Variants in FXYD6 observed in about 807,000 individuals in gnomAD.
FXYD6 encodes the protein FXYD domain-containing ion transport regulator 6.
Under a neutral mutation model 16.7 loss-of-function variants are expected in FXYD6, and 7 were observed. The ratio of observed to expected loss-of-function variants is 0.42; its 90% CI spans 0.24 to 0.79. The LOEUF is 0.79. FXYD6 is among the 30% of genes least tolerant of loss of function. The pLI is 0.28. For missense variants in FXYD6, 111 were observed against 116.2 expected (o/e 0.95, Z 0.21); for synonymous variants, 49 against 43.0 (o/e 1.14, Z -0.54).
chr11:117,842,433 G>C (rs1404141290), intron 2 of FXYD6, among the ~76,000 whole-genome samples: 1 of 152,192 alleles, frequency 6.6e-6, no homozygotes, highest in Non-Finnish European at 1.5e-5. Flanking sequence ...CTGAATCCCA[G>C]GGTTCAGGCC....
chr11:117,846,082 T>C (rs2056459404), intron 1 of FXYD6, among the ~76,000 whole-genome samples: 1 of 152,218 alleles, frequency 6.6e-6, no homozygotes, highest in South Asian at 2.1e-4. Flanking sequence ...CTGTCCCCAT[T>C]ACTCTACAAC....
At chr11:117,858,763 TC>T (rs879542462) in intron 1 of FXYD6, among the ~76,000 whole-genome samples, 3,574 of 138,082 alleles carry the variant, frequency 0.026, 331 homozygotes, top group East Asian at 0.039. Flanking sequence ...CTTCCTTCCT[TC>T]CTTCCTTCCT....
chr11:117,854,521 T>C (rs2056680830), intron 1 of FXYD6, among the ~76,000 whole-genome samples: 1 of 152,188 alleles, frequency 6.6e-6, no homozygotes, highest in Admixed American at 6.5e-5. Flanking sequence ...CTATTCTGGG[T>C]TCTGCAAAGG....
chr11:117,862,515 G>A (rs1240477030), intron 1 of FXYD6, among the ~76,000 whole-genome samples: 1 of 152,212 alleles, frequency 6.6e-6, no homozygotes, highest in Non-Finnish European at 1.5e-5. Flanking sequence ...CCGCTGCCCA[G>A]AAGACACAGT....
At chr11:117,851,436 A>G (rs2056609120) in intron 1 of FXYD6, among the ~76,000 whole-genome samples, 1 of 152,232 alleles carries the variant, frequency 6.6e-6, no homozygotes, top group Non-Finnish European at 1.5e-5. Context: ...GAACCACATA[A>G]GTGAGCTTGG....
chr11:117,869,991 G>A (rs2057100657), intron 1 of FXYD6, among the ~76,000 whole-genome samples: 1 of 152,192 alleles, frequency 6.6e-6, no homozygotes, highest in Admixed American at 6.5e-5. Flanking sequence ...CCCATTCTCT[G>A]GGCCCCAGCC....
chr11:117,863,513 A>G (rs757969691), intron 1 of FXYD6, among the ~76,000 whole-genome samples: 3 of 152,084 alleles, frequency 2.0e-5, no homozygotes, highest in Non-Finnish European at 4.4e-5. Flanking sequence ...ATCACACTCA[A>G]TGGTCAAAGA....
intron 6 of FXYD6, 76 bp from the exon 7 acceptor site, chr11:117,839,906 C>G: frequency 6.3e-7 from 1 of 1,579,364 alleles, no homozygotes; most frequent in Non-Finnish European, 8.7e-7. Flanking sequence ...GCAGCCGTGT[C>G]TCTGCCTGAC....
In FXYD6 at chr11:117,838,249, G is replaced by C. The variant is rs1000227894; in HGVS notation, c.*50C>G. On this transcript the variant is annotated 3_prime_UTR_variant, in exon 8 of 8. Transcript: ENST00000526014. ...TAAGCATCGACATTTGCATCCAAAG[G>C]TTCAAGCAGCCGCCTCAGGTTCCAG... 2.8e-6 allele frequency: 2 copies of C among 702,576 alleles called. No homozygotes were observed. Among genetic ancestry groups the C allele is most frequent in the Non-Finnish European group, 5.2e-6 (2 of 384,992 alleles). 43.5% of individuals were successfully genotyped at this position (702,576 alleles called of 1,614,324 possible). A position where few individuals can be genotyped will look rare whatever the true frequency, so the allele number is the denominator to read the frequency against.
chr11:117,841,635 G>T (rs2056346318), intron 4 of FXYD6, 156 bp downstream of exon 4: 1 of 723,608 alleles, frequency 1.4e-6, no homozygotes, highest in Admixed American at 2.5e-5. Flanking sequence ...CACTTACTAT[G>T]TGCCCAGCAC....
chr11:117,842,435 G>A (rs1031436699), intron 2 of FXYD6, among the ~76,000 whole-genome samples: 5 of 152,188 alleles, frequency 3.3e-5, no homozygotes, highest in African/African-American at 1.2e-4. Context: ...GAATCCCAGG[G>A]TTCAGGCCAC....
intron 7 of FXYD6, chr11:117,838,893 T>A (rs750519690): frequency 7.1e-5 from 11 of 154,610 alleles, no homozygotes; most frequent in Non-Finnish European, 1.4e-4. Context: ...CACTTCATCA[T>A]CCAGAAACCT....
intron 1 of FXYD6, among the ~76,000 whole-genome samples, chr11:117,860,724 G>C (rs1815774): frequency 0.48 from 72,964 of 152,132 alleles, 18,265 homozygotes; most frequent in East Asian, 0.73. Flanking sequence ...TGAGATAATA[G>C]GTGTGAAGGT....
At chr11:117,841,324 G>A in intron 4 of FXYD6, 140 bp from the exon 5 acceptor site, 1 of 1,075,130 alleles carries the variant, frequency 9.3e-7, no homozygotes, top group Non-Finnish European at 1.3e-6. Flanking sequence ...GCACACAGTG[G>A]CCCTCGGATG....
At chr11:117,866,645 G>C (rs537720224) in intron 1 of FXYD6, among the ~76,000 whole-genome samples, 1 of 152,294 alleles carries the variant, frequency 6.6e-6, no homozygotes, top group African/African-American at 2.4e-5. Context: ...TCCCAGCTGA[G>C]CTTTGGCATC....
intron 1 of FXYD6, among the ~76,000 whole-genome samples, chr11:117,867,174 C>A (rs529422006): frequency 2.0e-5 from 3 of 152,230 alleles, no homozygotes; most frequent in African/African-American, 7.2e-5. Context: ...ACAATGGCAC[C>A]CTTATCCTTC....
intron 1 of FXYD6, among the ~76,000 whole-genome samples, chr11:117,858,609 G>A (rs1432772409): frequency 6.6e-6 from 1 of 151,916 alleles, no homozygotes; most frequent in Non-Finnish European, 1.5e-5. Flanking sequence ...AAAACGGAGA[G>A]TCGATTCTGC....
chr11:117,858,673 TTCTTTCTTTCTTTCTTTCTTTC>T (rs1283568022), intron 1 of FXYD6, among the ~76,000 whole-genome samples: 1 of 86,656 alleles, frequency 1.2e-5, no homozygotes, highest in Non-Finnish European at 2.1e-5. Context: ...CTTTCTTTCT[TTCTTTCTTTCTTTCTTTCTTTC>T]TTTCTTTCTC....
intron 1 of FXYD6, among the ~76,000 whole-genome samples, chr11:117,846,776 A>G (rs1216590045): frequency 1.3e-5 from 2 of 152,176 alleles, no homozygotes; most frequent in Non-Finnish European, 2.9e-5. Context: ...TGATAGCTTC[A>G]TAGTAATCTT....
Sources: gnomAD v4.1 joint callset for allele counts (sites outside exome capture counted in the v4.1 genomes callset) on GRCh38, gnomAD v4.1.1 for gene constraint, MANE v1.5 for transcripts, NCBI Gene and HGNC (gene_info 2026-07-23, HGNC 2026-07-21) for gene names.